The following RND2 variants were observed in gnomAD, a reference collection of about 807,000 sequenced individuals.
RND2 encodes the protein rho-related GTP-binding protein RhoN.
Under a neutral mutation model 25.9 loss-of-function variants are expected in RND2, and 16 were observed. That is an observed-to-expected ratio of 0.62 (90% CI 0.42 to 0.94). RND2 has a LOEUF of 0.94. Ranked by LOEUF, RND2 falls within the 40% of genes least tolerant of loss-of-function variation. RND2 has a pLI of 0.00. For missense variants in RND2, 276 were observed against 305.5 expected (o/e 0.90, Z 0.72); for synonymous variants, 97 against 118.1 (o/e 0.82, Z 1.16).
intron 2 of RND2, 35 bp from the exon 3 acceptor site, chr17:43,027,148 T>C: frequency 7.2e-7 from 1 of 1,395,066 alleles, no homozygotes; most frequent in Non-Finnish European, 9.9e-7. Context: ...AGGCCTCCCA[T>C]CCACTCAGGC....
In RND2 at chr17:43,030,222, C is replaced by T. The variant is rs2050661865; in HGVS notation, c.*1542C>T. ...GTTTCAGATTGTCCTGTATTCCCTT[C>T]CTGGCTCTGGTCCCACTGGCCTCTT... is the stretch of plus-strand genomic sequence containing the variant. On this transcript the variant is annotated 3_prime_UTR_variant, in exon 5 of 5. Transcript: ENST00000587250. 1 of 152,874 alleles carries T rather than the reference C, an allele frequency of 6.5e-6. No individual in the cohort carries two copies. Among genetic ancestry groups the T allele is most frequent in the African/African-American group, 2.4e-5 (1 of 41,450 alleles). The allele number at this position is 152,874 out of a possible 1,614,324, so 9.5% of individuals were successfully genotyped here.
In RND2 at chr17:43,031,392, G is replaced by A. The variant is rs978675794; in HGVS notation, c.*2712G>A. 4 of 152,152 alleles carry A rather than the reference G, an allele frequency of 2.6e-5. No homozygotes were observed. The highest frequency in any genetic ancestry group is 7.2e-5 in the African/African-American group (3 of 41,418). The allele number at this position is 152,152 out of a possible 1,614,324, so 9.4% of individuals were successfully genotyped here. ...ACTGACTCAAAGACCCTGAGTCCTC[G>A]GCTAAGGGTACAGGAGAGGGCAGGG... is the stretch of plus-strand genomic sequence containing the variant. On this transcript the variant is annotated 3_prime_UTR_variant, in exon 5 of 5. Transcript: ENST00000587250.
In RND2 at chr17:43,029,745, A is replaced by C. The variant is rs926766061; in HGVS notation, c.*1065A>C. 1 of 152,008 alleles carries C rather than the reference A, an allele frequency of 6.6e-6. No homozygotes were observed. Among genetic ancestry groups the C allele is most frequent in the African/African-American group, 2.4e-5 (1 of 41,348 alleles). 9.4% of individuals were successfully genotyped at this position (152,008 alleles called of 1,614,324 possible). ...CCCATCTCTACTAAAAATACAAAAA[A>C]TTAGCCAGGCGCGGTGGCAGTGCCT... On this transcript the variant is annotated 3_prime_UTR_variant, in exon 5 of 5. Coordinates refer to ENST00000587250, the MANE Select transcript of RND2 (RefSeq NM_005440.5).
At chr17:43,025,879 G>A (rs780471113) in intron 1 of RND2, 81 bp from the exon 2 acceptor site, 34 of 1,041,104 alleles carry the variant, frequency 3.3e-5, no homozygotes, top group Non-Finnish European at 4.6e-5. Flanking sequence ...TGGGCTGGAC[G>A]GGGTGTGGGA....
chr17:43,026,581 G>T (rs923120974), intron 2 of RND2, among the ~76,000 whole-genome samples: 1 of 152,162 alleles, frequency 6.6e-6, no homozygotes, highest in Non-Finnish European at 1.5e-5. Flanking sequence ...CCTGGGAGGC[G>T]GAGGCTGCAG....
At chr17:43,025,505 A>C (rs2151973792) in intron 1 of RND2, 56 bp downstream of exon 1, 2 of 1,492,672 alleles carry the variant, frequency 1.3e-6, no homozygotes, top group Non-Finnish European at 9.0e-7. Context: ...GGTGGGTGAC[A>C]GGGGCCCTGG....
chr17:43,027,736 G>A (rs1395124547), intron 3 of RND2, among the ~76,000 whole-genome samples: 2 of 151,876 alleles, frequency 1.3e-5, no homozygotes, highest in South Asian at 2.1e-4. Context: ...GGAGGGGAGG[G>A]TGGGATAAAT....
intron 4 of RND2, 43 bp from the exon 5 acceptor site, chr17:43,028,389 C>A: frequency 6.2e-7 from 1 of 1,606,484 alleles, no homozygotes; most frequent in Non-Finnish European, 8.5e-7. Context: ...AAGCTGCAGG[C>A]TAAGACCTAT....
rs1328910989 is a variant in RND2 at position 43,028,090 on chromosome 17, C to T, written c.330C>T (p.Pro110=). The T allele has an allele frequency of 6.2e-7, 1 of 1,613,986 alleles. No individual in the cohort carries two copies. Among genetic ancestry groups the T allele is most frequent in the Non-Finnish European group, 8.5e-7 (1 of 1,180,010 alleles). Residue 110 remains proline (P), a synonymous_variant, in exon 4 of 5, where the codon CCC becomes CCT. Coordinates refer to ENST00000587250, the MANE Select transcript of RND2 (RefSeq NM_005440.5). The stretch of plus-strand genomic sequence containing the variant: ...AAGGAGAGACTCAAGAGTTCTGCCC[C>T]AATGCCAAGGTTGTGCTGGTTGGCT... ...KWQGETQEFC[P]NAKVVLVGCK... is the part of the protein sequence containing the mutation.
intron 3 of RND2, 73 bp downstream of exon 3, chr17:43,027,365 C>T (rs2050631803): frequency 7.9e-6 from 8 of 1,017,440 alleles, no homozygotes; most frequent in Non-Finnish European, 1.2e-5. Flanking sequence ...TAACATGGGC[C>T]AGGAGGAGGG....
Position 43,031,745 on chromosome 17 carries a change from C to T in RND2, c.*3065C>T, listed in dbSNP as rs182279900. 6.6e-6 allele frequency: 1 copy of T among 152,162 alleles called. No homozygotes were observed. The highest frequency in any genetic ancestry group is 1.5e-5 in the Non-Finnish European group (1 of 68,048). 9.4% of individuals were successfully genotyped at this position (152,162 alleles called of 1,614,324 possible). On this transcript the variant is annotated 3_prime_UTR_variant, in exon 5 of 5. Transcript: ENST00000587250. Reference sequence around the variant, plus strand: ...AAAGTTTAATACATTTTCAATACCACCAGGAATGGATTTTTGGTCCCTTTC... The same window carrying T: ...AAAGTTTAATACATTTTCAATACCATCAGGAATGGATTTTTGGTCCCTTTC...
In RND2 at chr17:43,030,494, A is replaced by C. The variant is rs971373169; in HGVS notation, c.*1814A>C. ...TCTCTAAGCTTTTGGAGGCCAGCCC[A>C]GTGTGGAAGAGAGGTACCTCAGGTG... On this transcript the variant is annotated 3_prime_UTR_variant, in exon 5 of 5. Transcript: ENST00000587250. The C allele has an allele frequency of 4.6e-5, 7 of 152,702 alleles. No individual in the cohort carries two copies. The highest frequency in any genetic ancestry group is 1.7e-4 in the African/African-American group (7 of 41,430). 9.5% of individuals were successfully genotyped at this position (152,702 alleles called of 1,614,324 possible). A position where few individuals can be genotyped will look rare whatever the true frequency, so the allele number is the denominator to read the frequency against.
At position 43,025,253 on chromosome 17, in the gene RND2, T is replaced by A. The variant is rs1332584642; in HGVS notation, c.-95T>A. 1 of 1,088,810 alleles carries A rather than the reference T, an allele frequency of 9.2e-7. No individual in the cohort carries two copies. Among genetic ancestry groups the A allele is most frequent in the Non-Finnish European group, 1.2e-6 (1 of 845,058 alleles). The allele number at this position is 1,088,810 out of a possible 1,614,324, so 67.4% of individuals were successfully genotyped here. A position where few individuals can be genotyped will look rare whatever the true frequency, so the allele number is the denominator to read the frequency against. ...GGCGCGGGCCCGCGAGATGCCGGTG[T>A]TGGCGGCCCGAGCGGCTGCAGTTGC... On this transcript the variant is annotated 5_prime_UTR_variant, in exon 1 of 5. It adds an upstream start codon to the 5' untranslated region. Transcript: ENST00000587250.
In RND2 at chr17:43,030,468, G is replaced by A. The variant is rs1445489724; in HGVS notation, c.*1788G>A. ...CTGGCTTGGGAGATTGCAAGGACCA[G>A]TCTCTAAGCTTTTGGAGGCCAGCCC... is the stretch of plus-strand genomic sequence containing the variant. On this transcript the variant is annotated 3_prime_UTR_variant, in exon 5 of 5. Coordinates refer to ENST00000587250, the MANE Select transcript of RND2 (RefSeq NM_005440.5). The A allele has an allele frequency of 1.3e-5, 2 of 152,716 alleles. No homozygotes were observed. The highest frequency in any genetic ancestry group is 2.9e-5 in the Non-Finnish European group (2 of 68,102). The allele number at this position is 152,716 out of a possible 1,614,324, so 9.5% of individuals were successfully genotyped here.
rs141365150 is a variant in RND2 at position 43,031,285 on chromosome 17, A to G, written c.*2605A>G. ...TAGTTCATCTCAGCCAGTCTCAAAG[A>G]TTCTAGGATAACTTCAATGGCATTT... is the stretch of plus-strand genomic sequence containing the variant. On this transcript the variant is annotated 3_prime_UTR_variant, in exon 5 of 5. Coordinates refer to ENST00000587250, the MANE Select transcript of RND2 (RefSeq NM_005440.5). The G allele has an allele frequency of 6.6e-6, 1 of 152,084 alleles. No individual in the cohort carries two copies. The highest frequency in any genetic ancestry group is 1.5e-5 in the Non-Finnish European group (1 of 68,020). 9.4% of individuals were successfully genotyped at this position (152,084 alleles called of 1,614,324 possible). A position where few individuals can be genotyped will look rare whatever the true frequency, so the allele number is the denominator to read the frequency against.
intron 3 of RND2, among the ~76,000 whole-genome samples, 179 bp downstream of exon 3, chr17:43,027,471 T>G (rs1410377296): frequency 6.6e-6 from 1 of 152,148 alleles, no homozygotes; most frequent in Non-Finnish European, 1.5e-5. Context: ...AGCCACCCCT[T>G]TCCTGAAAGT....
At position 43,031,674 on chromosome 17, in the gene RND2, C is replaced by G. The variant is rs1486378851; in HGVS notation, c.*2994C>G. 6.6e-6 allele frequency: 1 copy of G among 152,212 alleles called. No homozygotes were observed. The highest frequency in any genetic ancestry group is 1.9e-4 in the East Asian group (1 of 5,200). The allele number at this position is 152,212 out of a possible 1,614,324, so 9.4% of individuals were successfully genotyped here. ...AATGCAAATGCATTTAAATATCCATCTAAAGCAAACATAATTAGAAAAATC... is the reference window on the plus strand; with the variant it reads ...AATGCAAATGCATTTAAATATCCATGTAAAGCAAACATAATTAGAAAAATC... On this transcript the variant is annotated 3_prime_UTR_variant, in exon 5 of 5. Transcript: ENST00000587250.
Position 43,031,525 on chromosome 17 carries a change from CTT to C in RND2, c.*2848_*2849del, listed in dbSNP as rs991414798. The stretch of plus-strand genomic sequence containing the variant: ...TGCGATTTTTAGCTGAGTGGCTTCT[CTT>C]TTCCACTTTGGACTTCTCAGTGTAT... On this transcript the variant is annotated 3_prime_UTR_variant, in exon 5 of 5. Transcript: ENST00000587250. The C allele has an allele frequency of 2.6e-5, 4 of 152,190 alleles. No individual in the cohort carries two copies. The highest frequency in any genetic ancestry group is 9.7e-5 in the African/African-American group (4 of 41,436). 9.4% of individuals were successfully genotyped at this position (152,190 alleles called of 1,614,324 possible). A position where few individuals can be genotyped will look rare whatever the true frequency, so the allele number is the denominator to read the frequency against.
At chr17:43,028,273 C>A in intron 4 of RND2, 78 bp downstream of exon 4, 2 of 1,599,958 alleles carry the variant, frequency 1.3e-6, no homozygotes, top group African/African-American at 1.3e-5. Flanking sequence ...TTGAAAACAC[C>A]TTACCTGGCT....
Sources: allele counts gnomAD v4.1 joint callset (sites outside exome capture counted in the v4.1 genomes callset), GRCh38; gene constraint gnomAD v4.1.1; transcripts MANE v1.5; gene names NCBI Gene and HGNC (gene_info 2026-07-23, HGNC 2026-07-21).